Variants in UQCC1 observed in about 807,000 individuals in gnomAD.
UQCC1 encodes the protein ubiquinol-cytochrome c reductase complex assembly factor 1.
A neutral mutation model predicts 48.0 loss-of-function variants in UQCC1; 38 were observed. The observed-to-expected ratio is 0.79, with a 90% CI of 0.61 to 1.04. The LOEUF is 1.04. UQCC1 is among the 50% of genes least tolerant of loss of function. The pLI, the probability that UQCC1 is intolerant of heterozygous loss-of-function variation, is 0.00. For missense variants in UQCC1, 368 were observed against 381.8 expected (o/e 0.96, Z 0.30); for synonymous variants, 111 against 129.2 (o/e 0.86, Z 0.95).
intron 7 of UQCC1, among the ~76,000 whole-genome samples, chr20:35,338,988 A>C (rs2146365895): frequency 6.9e-6 from 1 of 145,742 alleles, no homozygotes; most frequent in East Asian, 2.0e-4. Flanking sequence ...TGAGGTACCC[A>C]GTCTGACATT....
At chr20:35,385,434 A>C (rs1343235397) in intron 2 of UQCC1, among the ~76,000 whole-genome samples, 1 of 152,198 alleles carries the variant, frequency 6.6e-6, no homozygotes, top group Non-Finnish European at 1.5e-5. Context: ...ATGGTTAATG[A>C]AAGTTCAGTC....
intron 1 of UQCC1, chr20:35,410,095 G>C (rs149375912): frequency 6.6e-6 from 1 of 151,794 alleles, no homozygotes; most frequent in South Asian, 2.1e-4. Flanking sequence ...TGTGAGCCAC[G>C]GCACCTGGCC....
chr20:35,338,262 G>C (rs192014727), intron 7 of UQCC1, among the ~76,000 whole-genome samples: 11 of 152,196 alleles, frequency 7.2e-5, no homozygotes, highest in African/African-American at 2.2e-4. Context: ...CTCAGGCTTG[G>C]GAGTGCACTG....
At position 35,374,175 on chromosome 20, in the gene UQCC1, ATAACTTACT is replaced by A; in HGVS notation, c.406_406+8del. On this transcript the variant is annotated splice_donor_variant and splice_donor_5th_base_variant and coding_sequence_variant and intron_variant, in exon 5 of 10. Coordinates refer to ENST00000374385, the MANE Select transcript of UQCC1 (RefSeq NM_018244.5). LOFTEE classifies it high-confidence loss of function. ...TTCTCCTTTTCAGTACTATCAAACA[ATAACTTACT>A]TAGAAAGAATTCCTCGAAGTCAGTT... The A allele has an allele frequency of 6.2e-7, 1 of 1,606,208 alleles. No homozygotes were observed. Among genetic ancestry groups the A allele is most frequent in the Non-Finnish European group, 8.5e-7 (1 of 1,173,762 alleles).
At chr20:35,383,202 T>G (rs2061897649) in intron 3 of UQCC1, among the ~76,000 whole-genome samples, 2 of 152,232 alleles carry the variant, frequency 1.3e-5, no homozygotes, top group South Asian at 4.1e-4. Flanking sequence ...TACAGAGTCT[T>G]GTAGTTTGCA....
chr20:35,330,933 C>T (rs2061249805), intron 7 of UQCC1, among the ~76,000 whole-genome samples: 1 of 152,102 alleles, frequency 6.6e-6, no homozygotes, highest in African/African-American at 2.4e-5. Context: ...TCAGTTCTCC[C>T]ACTGTCCTTC....
At chr20:35,304,979 C>A (rs552505304) in intron 9 of UQCC1, among the ~76,000 whole-genome samples, 2 of 152,212 alleles carry the variant, frequency 1.3e-5, no homozygotes, top group Non-Finnish European at 2.9e-5. Context: ...CCCCTCTGCC[C>A]ACCTCCTGGG....
At chr20:35,404,668 A>G (rs2062223703) in intron 1 of UQCC1, among the ~76,000 whole-genome samples, 1 of 152,000 alleles carries the variant, frequency 6.6e-6, no homozygotes, top group South Asian at 2.1e-4. Flanking sequence ...AAGTATAAAA[A>G]AAAAAGAAGC....
rs943373418 is a variant in UQCC1, at chr20:35,370,050, T to C, written c.407-3436A>G. On this transcript the variant is annotated intron_variant, in intron 5 of 9. Transcript: ENST00000374385. The stretch of plus-strand genomic sequence containing the variant: ...TAAAAGACCAGTCAGCAAACCGCAG[T>C]GTACTCATCAGTGCAACATGCTCAG... Among the ~76,000 whole-genome samples the C allele has an allele frequency of 2.0e-5, 3 of 152,176 alleles. No homozygotes were observed. In the South Asian group the frequency reaches 6.2e-4, roughly 32 times the overall value.
chr20:35,382,188 C>T (rs918737850), intron 3 of UQCC1, among the ~76,000 whole-genome samples, 163 bp from the exon 4 acceptor site: 19 of 152,102 alleles, frequency 1.2e-4, no homozygotes, highest in African/African-American at 4.3e-4. Flanking sequence ...CTCACTGCAG[C>T]CTCAAACTTC....
chr20:35,303,900 A>G lies in UQCC1; in HGVS notation c.*35T>C. 1 of 1,614,022 alleles carries G rather than the reference A, an allele frequency of 6.2e-7. No individual in the cohort carries two copies. The highest frequency in any genetic ancestry group is 1.1e-5 in the South Asian group (1 of 91,068). On this transcript the variant is annotated 3_prime_UTR_variant, in exon 10 of 10. Coordinates refer to ENST00000374385, the MANE Select transcript of UQCC1 (RefSeq NM_018244.5). ...CACTTCTCTCCTGGAGGTTCCTCGA[A>G]GCCAGCTGGCGGGCCGTGCGGAGGG...
chr20:35,366,334 G>A (rs140316005), intron 6 of UQCC1, among the ~76,000 whole-genome samples: 3 of 152,282 alleles, frequency 2.0e-5, no homozygotes, highest in Non-Finnish European at 4.4e-5. Context: ...TGGGTTAGGT[G>A]TTCTCTGAAA....
intron 4 of UQCC1, among the ~76,000 whole-genome samples, chr20:35,375,620 A>G (rs2061787117): frequency 6.6e-6 from 1 of 152,220 alleles, no homozygotes; most frequent in African/African-American, 2.4e-5. Flanking sequence ...TAAAGATCAG[A>G]AATCAACAAA....
Position 35,346,912 on chromosome 20 carries a change from C to G in UQCC1, c.573+252G>C, listed in dbSNP as rs2061437333. The stretch of plus-strand genomic sequence containing the variant: ...ATCCCTCCTATCACCACGATTTGGG[C>G]TTTACAATCCCATCTCCATACAGGA... On this transcript the variant is annotated intron_variant, in intron 7 of 9. Transcript: ENST00000374385. 2.2e-6 allele frequency: 3 copies of G among 1,360,702 alleles called. No individual in the cohort carries two copies. The African/African-American group carries it at 4.4e-5, about 20-fold the overall frequency. The allele number at this position is 1,360,702 out of a possible 1,614,324, so 84.3% of individuals were successfully genotyped here.
At chr20:35,358,375 A>G (rs2061570801) in intron 6 of UQCC1, among the ~76,000 whole-genome samples, 1 of 150,544 alleles carries the variant, frequency 6.6e-6, no homozygotes, top group Non-Finnish European at 1.5e-5. Flanking sequence ...AAAAAAAAAA[A>G]AAAAAGCAAA....
chr20:35,409,969 C>T (rs368283424), intron 1 of UQCC1: 2 of 105,584 alleles, frequency 1.9e-5, no homozygotes, highest in East Asian at 8.2e-4. Context: ...CCAGGCCTGG[C>T]TAATTTTTGT....
At chr20:35,348,820 AT>A (rs2146393400) in intron 6 of UQCC1, among the ~76,000 whole-genome samples, 1 of 152,132 alleles carries the variant, frequency 6.6e-6, no homozygotes, top group African/African-American at 2.4e-5. Flanking sequence ...CGCCCAGCTA[AT>A]TTTTTATTTT....
At chr20:35,342,748 T>C (rs974042888) in intron 7 of UQCC1, among the ~76,000 whole-genome samples, 3 of 152,236 alleles carry the variant, frequency 2.0e-5, no homozygotes, top group African/African-American at 7.2e-5. Flanking sequence ...TGAGGTGATA[T>C]AATGAACTTT....
intron 2 of UQCC1, among the ~76,000 whole-genome samples, chr20:35,393,823 G>A (rs182729316): frequency 9.5e-4 from 145 of 152,046 alleles, no homozygotes; most frequent in Admixed American, 1.7e-3. Flanking sequence ...AGGTTAACTC[G>A]GAGATGAATA....
Sources: allele counts gnomAD v4.1 joint callset (sites outside exome capture counted in the v4.1 genomes callset), GRCh38; gene constraint gnomAD v4.1.1; transcripts MANE v1.5; gene names NCBI Gene and HGNC (gene_info 2026-07-23, HGNC 2026-07-21).